The following RAB18 variants were observed in gnomAD, a reference collection of about 807,000 sequenced individuals.
The protein encoded by RAB18 is RAB18, member RAS oncogene family.
In RAB18, 10 loss-of-function variants were observed where a neutral mutation model predicts 28.5. The observed-to-expected ratio is 0.35, with a 90% CI of 0.22 to 0.60. The LOEUF (loss-of-function observed/expected upper bound fraction) is 0.60. Among genes scored for constraint, RAB18 ranks in the 20% least tolerant of loss-of-function variants. The pLI, the probability that RAB18 is intolerant of heterozygous loss-of-function variation, is 0.78. For synonymous variants in RAB18, 93 were observed against 86.9 expected (o/e 1.07, Z -0.39); for missense variants, 188 against 244.2 (o/e 0.77, Z 1.53).
In RAB18 at chr10:27,541,025, C is replaced by T. The variant is rs532562164; in HGVS notation, c.*2974C>T. The stretch of plus-strand genomic sequence containing the variant: ...TTTCTGTGTATTTTTTTCAAATGAA[C>T]TCAACAATTCTTCAGGTATTATAGA... On this transcript the variant is annotated 3_prime_UTR_variant, in exon 7 of 7. Transcript: ENST00000356940. 2.2e-6 allele frequency: 1 copy of T among 452,370 alleles called. No individual in the cohort carries two copies. The highest frequency in any genetic ancestry group is 2.0e-5 in the African/African-American group (1 of 49,772). The allele number at this position is 452,370 out of a possible 1,614,324, so 28.0% of individuals were successfully genotyped here. A position where few individuals can be genotyped will look rare whatever the true frequency, so the allele number is the denominator to read the frequency against.
intron 2 of RAB18, among the ~76,000 whole-genome samples, chr10:27,521,939 G>A (rs528959620): frequency 5.3e-5 from 8 of 151,912 alleles, no homozygotes; most frequent in African/African-American, 1.2e-4. Context: ...AAGGGGAGAC[G>A]CATGGAAGCT....
intron 2 of RAB18, among the ~76,000 whole-genome samples, chr10:27,517,332 C>T (rs1243490177): frequency 6.6e-6 from 1 of 151,870 alleles, no homozygotes; most frequent in Non-Finnish European, 1.5e-5. Context: ...CACTGCACTG[C>T]AGCCTGGGCG....
chr10:27,537,107 C>T (rs11015857), intron 6 of RAB18, among the ~76,000 whole-genome samples: 4,200 of 152,210 alleles, frequency 0.028, 252 homozygotes, highest in East Asian at 0.25. Flanking sequence ...CAAAAGAAGG[C>T]GATGGCTTGG....
chr10:27,518,319 T>G (rs1834480076), intron 2 of RAB18, among the ~76,000 whole-genome samples: 1 of 152,216 alleles, frequency 6.6e-6, no homozygotes, highest in African/African-American at 2.4e-5. Flanking sequence ...TTGGCCATAT[T>G]TTTATAAAGT....
intron 2 of RAB18, among the ~76,000 whole-genome samples, chr10:27,521,903 A>G (rs1393138020): frequency 6.6e-6 from 1 of 151,830 alleles, no homozygotes; most frequent in Non-Finnish European, 1.5e-5. Flanking sequence ...CAAGAGGGTG[A>G]TGTGCTCTGG....
Position 27,515,310 on chromosome 10 carries a change from A to G in RAB18, c.124+5380A>G, listed in dbSNP as rs546821525. Among the ~76,000 whole-genome samples, 10 of 152,138 alleles carry G rather than the reference A, an allele frequency of 6.6e-5. No individual in the cohort carries two copies. In the South Asian group the frequency reaches 2.1e-3, roughly 32 times the overall value. On this transcript the variant is annotated intron_variant, in intron 2 of 6. Transcript: ENST00000356940. The stretch of plus-strand genomic sequence containing the variant: ...AGGCACAATTCGCTTTAAGTTTTTT[A>G]TTTTTTTATTTACCCTGTTTTATGT...
At chr10:27,505,670 C>T (rs867645215) in intron 1 of RAB18, among the ~76,000 whole-genome samples, 1 of 152,192 alleles carries the variant, frequency 6.6e-6, no homozygotes, top group African/African-American at 2.4e-5. Flanking sequence ...AGCGATTCTC[C>T]TGCTTCAGCC....
rs1454239980 is a variant in RAB18, at chr10:27,509,816, A to G, written c.69-59A>G. The stretch of plus-strand genomic sequence containing the variant: ...TTTGTGACCAAATAATCATGAACAC[A>G]TTTATCATATGATTAGAAAATTCAA... On this transcript the variant is annotated intron_variant, in intron 1 of 6. Transcript: ENST00000356940. 4 of 1,347,908 alleles carry G rather than the reference A, an allele frequency of 3.0e-6. No homozygotes were observed. The African/African-American group carries it at 4.3e-5, about 15-fold the overall frequency. The allele number at this position is 1,347,908 out of a possible 1,614,324, so 83.5% of individuals were successfully genotyped here.
At chr10:27,536,412 G>T (rs756165361) in intron 6 of RAB18, among the ~76,000 whole-genome samples, 1 of 152,138 alleles carries the variant, frequency 6.6e-6, no homozygotes, top group Non-Finnish European at 1.5e-5. Context: ...GTGTATAGTG[G>T]CATGTGCCTG....
rs36085130 is a variant in RAB18, at chr10:27,541,344, CTTT to C, written c.*3306_*3308del. ...CTAAGGAATATAGAATCACCCAGGT[CTTT>C]TTTTTTTTTTTTAATTTTTCTCTCC... On this transcript the variant is annotated 3_prime_UTR_variant, in exon 7 of 7. Transcript: ENST00000356940. The C allele has an allele frequency of 1.3e-4, 56 of 421,168 alleles. No individual in the cohort carries two copies. The highest frequency in any genetic ancestry group is 3.9e-4 in the Admixed American group (14 of 35,926). The allele number at this position is 421,168 out of a possible 1,614,324, so 26.1% of individuals were successfully genotyped here.
intron 6 of RAB18, among the ~76,000 whole-genome samples, chr10:27,537,415 T>C (rs1227281144): frequency 3.3e-5 from 5 of 152,212 alleles, no homozygotes; most frequent in African/African-American, 1.2e-4. Context: ...GGACCAGTTT[T>C]CATGGTGGTT....
chr10:27,510,673 A>G (rs1834307087), intron 2 of RAB18, among the ~76,000 whole-genome samples: 1 of 152,230 alleles, frequency 6.6e-6, no homozygotes, highest in South Asian at 2.1e-4. Context: ...ATCTTGATGA[A>G]GTCACTTAAC....
In RAB18 at chr10:27,541,671, A is replaced by C. The variant is rs1466006975; in HGVS notation, c.*3620A>C. On this transcript the variant is annotated 3_prime_UTR_variant, in exon 7 of 7. Coordinates refer to ENST00000356940, the MANE Select transcript of RAB18 (RefSeq NM_021252.5). ...TTTCCTCTTTTTTAACCGGAGAAGC[A>C]ACAAATTACGTAGTTTTTTTTGTGT... 2.2e-6 allele frequency: 1 copy of C among 447,412 alleles called. No individual in the cohort carries two copies. 27.7% of individuals were successfully genotyped at this position (447,412 alleles called of 1,614,324 possible). A position where few individuals can be genotyped will look rare whatever the true frequency, so the allele number is the denominator to read the frequency against.
intron 6 of RAB18, among the ~76,000 whole-genome samples, chr10:27,534,233 G>A (rs898664731): frequency 5.9e-5 from 9 of 152,124 alleles, no homozygotes; most frequent in Non-Finnish European, 8.8e-5. Context: ...ACAGGATATA[G>A]TGGCATTCAG....
At chr10:27,518,732 G>T (rs536534071) in intron 2 of RAB18, among the ~76,000 whole-genome samples, 1 of 151,760 alleles carries the variant, frequency 6.6e-6, no homozygotes, top group Non-Finnish European at 1.5e-5. Context: ...TTTTTCATTC[G>T]TGTAAAAGTA....
intron 6 of RAB18, among the ~76,000 whole-genome samples, chr10:27,535,640 G>T (rs1834879048): frequency 6.6e-6 from 1 of 152,168 alleles, no homozygotes; most frequent in South Asian, 2.1e-4. Context: ...ACAGAAGCAA[G>T]AGACTAGTTC....
intron 2 of RAB18, among the ~76,000 whole-genome samples, chr10:27,523,364 T>G (rs1834605356): frequency 6.6e-6 from 1 of 151,344 alleles, no homozygotes; most frequent in South Asian, 2.1e-4. Flanking sequence ...AGCCATTATT[T>G]CTCAGATATA....
At chr10:27,515,960 G>A (rs1346931113) in intron 2 of RAB18, among the ~76,000 whole-genome samples, 1 of 151,928 alleles carries the variant, frequency 6.6e-6, no homozygotes, top group Non-Finnish European at 1.5e-5. Context: ...TTCATTATCT[G>A]TGATCGTGGC....
intron 4 of RAB18, among the ~76,000 whole-genome samples, chr10:27,533,152 T>G (rs1359847599): frequency 6.6e-6 from 1 of 152,058 alleles, no homozygotes. Flanking sequence ...TATGGCTTGG[T>G]AGTGACAGCC....
Sources: allele counts gnomAD v4.1 joint callset (sites outside exome capture counted in the v4.1 genomes callset), GRCh38; gene constraint gnomAD v4.1.1; transcripts MANE v1.5; gene names NCBI Gene and HGNC (gene_info 2026-07-23, HGNC 2026-07-21).